The following KIRREL3 variants were observed in gnomAD, a reference collection of about 807,000 sequenced individuals.
KIRREL3 encodes the protein kirre like nephrin family adhesion molecule 3.
In KIRREL3, 36 loss-of-function variants were observed where a neutral mutation model predicts 89.7. That is an observed-to-expected ratio of 0.40 (90% CI 0.31 to 0.53). KIRREL3 has a LOEUF of 0.53. Among genes scored for constraint, KIRREL3 ranks in the 20% least tolerant of loss-of-function variants. KIRREL3 has a pLI of 0.49. For synonymous variants in KIRREL3, 445 were observed against 441.4 expected (o/e 1.01, Z -0.10); for missense variants, 864 against 1,056.6 (o/e 0.82, Z 2.53).
At chr11:126,481,543 G>A (rs1007740718) in intron 4 of KIRREL3, among the ~76,000 whole-genome samples, 2 of 152,186 alleles carry the variant, frequency 1.3e-5, no homozygotes, top group South Asian at 2.1e-4. Context: ...CCCATATTCT[G>A]TATTTTGGAG....
At chr11:126,816,827 C>A (rs760120515) in intron 1 of KIRREL3, among the ~76,000 whole-genome samples, 23 of 152,184 alleles carry the variant, frequency 1.5e-4, no homozygotes, top group Non-Finnish European at 2.6e-4. Context: ...AATCAATAAT[C>A]GTTCAGGAAA....
At chr11:126,693,610 C>A (rs1051315380) in intron 1 of KIRREL3, among the ~76,000 whole-genome samples, 3 of 149,654 alleles carry the variant, frequency 2.0e-5, no homozygotes, top group Admixed American at 2.0e-4. Context: ...CCTGTGACCA[C>A]ACACACACAC....
In KIRREL3 at chr11:126,924,964, G is replaced by A. The variant is rs1163559804; in HGVS notation, c.55+75491C>T. On this transcript the variant is annotated intron_variant, in intron 1 of 16. Transcript: ENST00000525144. The surrounding 1 kb of genome is among the most constrained non-coding windows in gnomAD (Gnocchi z 4.7). ...GTGTGTGTTGCAGTGGAGGAGGTTG[G>A]GATAAAATTGAAAAAAAAAAAAAAC... is the stretch of plus-strand genomic sequence containing the variant. Among the ~76,000 whole-genome samples, 1 of 90,418 alleles carries A rather than the reference G, an allele frequency of 1.1e-5. No individual in the cohort carries two copies. Among genetic ancestry groups the A allele is most frequent in the Admixed American group, 1.1e-4 (1 of 9,036 alleles). The allele number at this position is 90,418 out of a possible 152,430, so 59.3% of individuals were successfully genotyped here.
chr11:126,565,595 G>A lies in KIRREL3; in HGVS notation c.56-2683C>T, dbSNP rs1011206680. Among the ~76,000 whole-genome samples the A allele has an allele frequency of 2.6e-5, 4 of 152,190 alleles. No homozygotes were observed. Among genetic ancestry groups the A allele is most frequent in the African/African-American group, 9.6e-5 (4 of 41,452 alleles). On this transcript the variant is annotated intron_variant, in intron 1 of 16. Coordinates refer to ENST00000525144, the MANE Select transcript of KIRREL3 (RefSeq NM_032531.4). The surrounding 1 kb of genome is among the most constrained non-coding windows in gnomAD (Gnocchi z 5.4). ...AGACTTTGTAGAGAAGTGGGGAGAAGCTACTGGGATCTTTGCAAGAACGAG... is the reference window on the plus strand; with the variant it reads ...AGACTTTGTAGAGAAGTGGGGAGAAACTACTGGGATCTTTGCAAGAACGAG...
intron 4 of KIRREL3, among the ~76,000 whole-genome samples, chr11:126,510,129 A>C (rs1042822301): frequency 6.6e-6 from 1 of 152,150 alleles, no homozygotes; most frequent in South Asian, 2.1e-4. Flanking sequence ...AGCCTGCAAC[A>C]AACTGCTCTG....
At chr11:126,596,659 G>A (rs902347428) in intron 1 of KIRREL3, among the ~76,000 whole-genome samples, 1 of 152,258 alleles carries the variant, frequency 6.6e-6, no homozygotes, top group Admixed American at 6.5e-5. Flanking sequence ...GCATGCGGGA[G>A]TGGGGAGGAG....
At chr11:126,638,852 C>T (rs1944363490) in intron 1 of KIRREL3, among the ~76,000 whole-genome samples, 1 of 152,154 alleles carries the variant, frequency 6.6e-6, no homozygotes, top group South Asian at 2.1e-4. Flanking sequence ...AGGCATCACC[C>T]CGTCTCCCCA....
intron 1 of KIRREL3, among the ~76,000 whole-genome samples, chr11:126,927,556 T>G (rs981467327): frequency 2.6e-5 from 4 of 152,244 alleles, no homozygotes; most frequent in Admixed American, 1.3e-4. Context: ...CCACTCTGCC[T>G]TTGGTCTACT....
intron 4 of KIRREL3, among the ~76,000 whole-genome samples, chr11:126,514,342 G>A (rs1014718659): frequency 9.2e-5 from 14 of 152,130 alleles, no homozygotes; most frequent in African/African-American, 3.1e-4. Context: ...GGCAAAACAC[G>A]CTTAATAAGC....
At chr11:126,616,907 G>T (rs1172401738) in intron 1 of KIRREL3, among the ~76,000 whole-genome samples, 1 of 152,226 alleles carries the variant, frequency 6.6e-6, no homozygotes, top group Non-Finnish European at 1.5e-5. Context: ...CTCCCAAAGT[G>T]TTGGGATTAC....
At chr11:126,826,167 G>C (rs547300683) in intron 1 of KIRREL3, among the ~76,000 whole-genome samples, 1 of 152,074 alleles carries the variant, frequency 6.6e-6, no homozygotes, top group African/African-American at 2.4e-5. Flanking sequence ...ACCTCTGTCT[G>C]TGTGGTCATT....
chr11:126,892,610 G>A lies in KIRREL3; in HGVS notation c.55+107845C>T, dbSNP rs1359980722. 6.6e-6 allele frequency among the ~76,000 whole-genome samples: 1 copy of A among 152,216 alleles called. No individual in the cohort carries two copies. The highest frequency in any genetic ancestry group is 2.4e-5 in the African/African-American group (1 of 41,456). ...TGTGCACGTGTGTGTGCATGTGCAC[G>A]TGTGTATGTATTATGTGTGTGTGTT... On this transcript the variant is annotated intron_variant, in intron 1 of 16. Coordinates refer to ENST00000525144, the MANE Select transcript of KIRREL3 (RefSeq NM_032531.4). This position sits in a 1 kb window ranked among gnomAD's most constrained non-coding sequence, Gnocchi z 5.4.
At position 126,782,695 on chromosome 11, in the gene KIRREL3, G is replaced by A. The variant is rs1950365083; in HGVS notation, c.55+217760C>T. Among the ~76,000 whole-genome samples, 2 of 152,266 alleles carry A rather than the reference G, an allele frequency of 1.3e-5. No homozygotes were observed. Among genetic ancestry groups the A allele is most frequent in the South Asian group, 4.1e-4 (2 of 4,824 alleles). On this transcript the variant is annotated intron_variant, in intron 1 of 16. Coordinates refer to ENST00000525144, the MANE Select transcript of KIRREL3 (RefSeq NM_032531.4). This position sits in a 1 kb window ranked among gnomAD's most constrained non-coding sequence, Gnocchi z 4.1. ...GGGGGCTAGAATGATCCAGATCCAC[G>A]TGGTAATGAATTAGTGTTGGAGACA...
chr11:126,907,068 T>C (rs958550077), intron 1 of KIRREL3, among the ~76,000 whole-genome samples: 1 of 152,182 alleles, frequency 6.6e-6, no homozygotes, highest in East Asian at 1.9e-4. Context: ...ACACCATAAA[T>C]GAATCAGGCA....
intron 1 of KIRREL3, among the ~76,000 whole-genome samples, chr11:126,672,108 A>C (rs1164255808): frequency 1.3e-5 from 2 of 152,272 alleles, no homozygotes; most frequent in Non-Finnish European, 2.9e-5. Context: ...TGCCCCATGC[A>C]TAATCACAGA....
In KIRREL3 at chr11:126,711,502, C is replaced by T. The variant is rs141044662; in HGVS notation, c.56-148590G>A. ...ACTTGAACCCAGGAGGCAGAGGTTG[C>T]ATGGAACTGAGATCGCGCCACTGCA... On this transcript the variant is annotated intron_variant, in intron 1 of 16. Transcript: ENST00000525144. 4.1e-3 allele frequency among the ~76,000 whole-genome samples: 621 copies of T among 152,276 alleles called. 5 individuals are homozygous for T. The highest frequency in any genetic ancestry group is 0.014 in the African/African-American group (598 of 41,546).
Position 126,909,332 on chromosome 11 carries a change from T to C in KIRREL3, c.55+91123A>G, listed in dbSNP as rs1946715542. ...TGGGATCAACTGTGGACTTCTTCAC[T>C]AGCCTGAGAGTTCCTCAAGGCAAGA... On this transcript the variant is annotated intron_variant, in intron 1 of 16. Transcript: ENST00000525144. The surrounding 1 kb of genome is among the most constrained non-coding windows in gnomAD (Gnocchi z 4.5). Among the ~76,000 whole-genome samples, 1 of 152,198 alleles carries C rather than the reference T, an allele frequency of 6.6e-6. No homozygotes were observed. The highest frequency in any genetic ancestry group is 2.1e-4 in the South Asian group (1 of 4,832).
chr11:126,592,814 G>A (rs930838765), intron 1 of KIRREL3, among the ~76,000 whole-genome samples: 1 of 152,192 alleles, frequency 6.6e-6, no homozygotes, highest in Non-Finnish European at 1.5e-5. Context: ...GCTGGGTGTG[G>A]TCACAGCAGG....
rs1265638422 is a variant in KIRREL3 at position 126,791,165 on chromosome 11, T to C, written c.55+209290A>G. On this transcript the variant is annotated intron_variant, in intron 1 of 16. Transcript: ENST00000525144. This position sits in a 1 kb window ranked among gnomAD's most constrained non-coding sequence, Gnocchi z 4.8. ...CAGAAATTGCCTCCTGAGCGCTGCC[T>C]GGCTGCTTCAGAAGAAAAGTCTGTG... is the stretch of plus-strand genomic sequence containing the variant. 6.6e-6 allele frequency among the ~76,000 whole-genome samples: 1 copy of C among 152,194 alleles called. No homozygotes were observed. The highest frequency in any genetic ancestry group is 2.4e-5 in the African/African-American group (1 of 41,454).
Sources: allele counts gnomAD v4.1 joint callset (sites outside exome capture counted in the v4.1 genomes callset), GRCh38; gene constraint gnomAD v4.1.1; non-coding constraint Gnocchi (gnomAD v3.1); transcripts MANE v1.5; gene names NCBI Gene and HGNC (gene_info 2026-07-23, HGNC 2026-07-21).